Variants in NUAK1 observed in about 807,000 individuals in gnomAD.
NUAK1 encodes the protein NUAK family kinase 1, also known as NUAK family SNF1-like kinase 1.
A neutral mutation model predicts 56.9 loss-of-function variants in NUAK1; 26 were observed. That is an observed-to-expected ratio of 0.46 (90% CI 0.33 to 0.63). NUAK1 has a LOEUF of 0.63. Ranked by LOEUF, NUAK1 falls within the 30% of genes least tolerant of loss-of-function variation. NUAK1 has a pLI of 0.02. For missense variants in NUAK1, 727 were observed against 876.1 expected, an observed-to-expected ratio of 0.83 and a Z score of 2.15; for synonymous variants, 337 against 336.0, an observed-to-expected ratio of 1.00 and a Z score of -0.03.
intron 1 of NUAK1, among the ~76,000 whole-genome samples, chr12:106,122,829 G>C (rs999908461): frequency 2.0e-5 from 3 of 152,190 alleles, no homozygotes; most frequent in African/African-American, 7.2e-5. Flanking sequence ...TCAGTGCCAA[G>C]GATGGTATAT....
intron 4 of NUAK1, among the ~76,000 whole-genome samples, chr12:106,076,694 T>A (rs150724089): frequency 6.6e-6 from 1 of 152,330 alleles, no homozygotes; most frequent in Non-Finnish European, 1.5e-5. Flanking sequence ...TTCAAAAGGA[T>A]TAACCTCACT....
chr12:106,097,963 T>C (rs2032711296), intron 2 of NUAK1, among the ~76,000 whole-genome samples: 1 of 152,180 alleles, frequency 6.6e-6, no homozygotes, highest in Non-Finnish European at 1.5e-5. Flanking sequence ...TTCCAGGACC[T>C]CTGCTGGGTT....
chr12:106,138,180 C>T lies in NUAK1; in HGVS notation c.240+234G>A, dbSNP rs1343569535. On this transcript the variant is annotated intron_variant, in intron 1 of 6. Coordinates refer to ENST00000261402, the MANE Select transcript of NUAK1 (RefSeq NM_014840.3). This position sits in a 1 kb window ranked among gnomAD's most constrained non-coding sequence, Gnocchi z 5.0. ...CTAGGATTAAATTTTTAAAAACAAACCAAAAAATAAAATAAAATATGTGCA... is the reference window on the plus strand; with the variant it reads ...CTAGGATTAAATTTTTAAAAACAAATCAAAAAATAAAATAAAATATGTGCA... Among the ~76,000 whole-genome samples, 1 of 152,136 alleles carries T rather than the reference C, an allele frequency of 6.6e-6. No homozygotes were observed. The highest frequency in any genetic ancestry group is 1.5e-5 in the Non-Finnish European group (1 of 68,018).
At chr12:106,091,288 T>C (rs774472551) in intron 2 of NUAK1, among the ~76,000 whole-genome samples, 2 of 152,210 alleles carry the variant, frequency 1.3e-5, no homozygotes, top group East Asian at 1.9e-4. Context: ...AGGAAAACTA[T>C]GGCCCTTGAC....
chr12:106,103,068 G>T (rs11112867), intron 2 of NUAK1: 28,419 of 152,226 alleles, frequency 0.19, 3,155 homozygotes, highest in East Asian at 0.36. Flanking sequence ...CTTCACGTTG[G>T]TAACTAAATA....
chr12:106,066,914 A>G lies in NUAK1; in HGVS notation c.1874T>C (p.Leu625Pro), dbSNP rs760774600. 2 of 1,613,966 alleles carry G rather than the reference A, an allele frequency of 1.2e-6. No individual in the cohort carries two copies. ...TGCCAGCCGGTTCCGGTACCGCTTC[A>G]GGTACTGGGGCCGGGGCCGGTTCTG... Reference protein sequence around the residue: ...GLQNRPRPQYLKRYRNRLADS... With the variant: ...GLQNRPRPQYPKRYRNRLADS... Residue 625 changes from leucine (L) to proline (P), a missense_variant, in exon 7 of 7, where the codon CTG becomes CCG. By Grantham distance (98) the Leu-to-Pro change is moderately conservative. Coordinates refer to ENST00000261402, the MANE Select transcript of NUAK1 (RefSeq NM_014840.3).
At chr12:106,079,815 ATCC>A (rs768769362) in intron 4 of NUAK1, among the ~76,000 whole-genome samples, 24 of 152,340 alleles carry the variant, frequency 1.6e-4, no homozygotes, top group Middle Eastern at 3.4e-3. Flanking sequence ...TGACTTCTGT[ATCC>A]TCCTCACGGC....
chr12:106,080,823 G>A (rs2032510293), intron 4 of NUAK1, among the ~76,000 whole-genome samples: 1 of 152,234 alleles, frequency 6.6e-6, no homozygotes, highest in African/African-American at 2.4e-5. Flanking sequence ...TGCTGCTCAT[G>A]TCCCGCTGGT....
chr12:106,103,738 C>T (rs559155391), intron 2 of NUAK1, among the ~76,000 whole-genome samples: 11 of 152,266 alleles, frequency 7.2e-5, no homozygotes, highest in South Asian at 2.1e-4. Flanking sequence ...GGAAGGGACC[C>T]GGTGGGAGGT....
intron 4 of NUAK1, among the ~76,000 whole-genome samples, chr12:106,080,828 G>A (rs1333956786): frequency 2.0e-5 from 3 of 152,336 alleles, no homozygotes; most frequent in East Asian, 1.9e-4. Context: ...CTCATGTCCC[G>A]CTGGTTCGTG....
At chr12:106,098,033 G>A (rs1284583880) in intron 2 of NUAK1, among the ~76,000 whole-genome samples, 2 of 152,210 alleles carry the variant, frequency 1.3e-5, no homozygotes, top group African/African-American at 4.8e-5. Context: ...GGTCAGGGCA[G>A]GGGCTGGGGG....
Position 106,067,146 on chromosome 12 carries a change from G to C in NUAK1, c.1642C>G (p.Leu548Val). 1 of 1,614,190 alleles carries C rather than the reference G, an allele frequency of 6.2e-7. No homozygotes were observed. Among genetic ancestry groups the C allele is most frequent in the Non-Finnish European group, 8.5e-7 (1 of 1,180,042 alleles). The change falls in exon 7 of 7, where the codon CTG becomes GTG. Residue 548 changes from leucine (L) to valine (V), a missense_variant. Physicochemically the swap from Leu to Val is conservative, Grantham distance 32. Coordinates refer to ENST00000261402, the MANE Select transcript of NUAK1 (RefSeq NM_014840.3). The surrounding 1 kb of genome is among the most constrained non-coding windows in gnomAD (Gnocchi z 6.0). ...PALVSPEMPT[L>V]ESLSEPGVPA... ...ACACCAGGCTCTGACAGGGATTCCA[G>C]TGTGGGCATTTCAGGGCTGACCAGG... is the stretch of plus-strand genomic sequence containing the variant.
chr12:106,092,768 G>A (rs1273306288), intron 2 of NUAK1, among the ~76,000 whole-genome samples: 2 of 152,076 alleles, frequency 1.3e-5, no homozygotes, highest in Admixed American at 1.3e-4. Context: ...TTTTTGTTGG[G>A]TAGATACCCA....
intron 2 of NUAK1, among the ~76,000 whole-genome samples, chr12:106,096,447 G>A (rs1040812667): frequency 3.3e-5 from 5 of 152,178 alleles, no homozygotes; most frequent in South Asian, 2.1e-4. Context: ...ATGATTACAC[G>A]TGAAGAGAAC....
chr12:106,115,966 C>G (rs889584993), intron 1 of NUAK1, among the ~76,000 whole-genome samples: 1 of 152,188 alleles, frequency 6.6e-6, no homozygotes, highest in African/African-American at 2.4e-5. Context: ...TTAACATTTT[C>G]GGTTGACCAA....
intron 4 of NUAK1, among the ~76,000 whole-genome samples, chr12:106,076,546 G>A (rs996792720): frequency 2.0e-5 from 3 of 152,172 alleles, no homozygotes; most frequent in South Asian, 4.1e-4. Context: ...CTCAATTCTC[G>A]AAAGGAGCCC....
chr12:106,116,780 T>C (rs2032921404), intron 1 of NUAK1, among the ~76,000 whole-genome samples: 1 of 152,170 alleles, frequency 6.6e-6, no homozygotes, highest in African/African-American at 2.4e-5. Flanking sequence ...CCACCAGAAG[T>C]CCTTTTGTTA....
intron 2 of NUAK1, among the ~76,000 whole-genome samples, chr12:106,102,809 A>G (rs1205352167): frequency 2.0e-5 from 3 of 152,246 alleles, no homozygotes; most frequent in African/African-American, 7.2e-5. Context: ...CCTAGGTCAC[A>G]GTGGAGGACT....
At chr12:106,092,814 C>A (rs571592226) in intron 2 of NUAK1, among the ~76,000 whole-genome samples, 8 of 152,102 alleles carry the variant, frequency 5.3e-5, no homozygotes, top group African/African-American at 1.9e-4. Flanking sequence ...AACTCAAAAG[C>A]GCATGTTCTC....
Sources: gnomAD v4.1 joint callset for allele counts (sites outside exome capture counted in the v4.1 genomes callset) on GRCh38, gnomAD v4.1.1 for gene constraint, Gnocchi (gnomAD v3.1) non-coding constraint, MANE v1.5 for transcripts, NCBI Gene and HGNC (gene_info 2026-07-23, HGNC 2026-07-21) for gene names.